Variants in DCAF8L2 observed in about 807,000 individuals in gnomAD.
DCAF8L2 encodes DDB1 and CUL4 associated factor 8 like 2.
For missense variants in DCAF8L2, 430 were observed against 490.7 expected (o/e 0.88, Z 1.17); for synonymous variants, 200 against 190.9 (o/e 1.05, Z -0.39).
In DCAF8L2 at chrX:27,730,985, A is replaced by G. The variant is rs1921160057; in HGVS notation, c.-59+14814A>G. ...CTTTGACACAAATGTTAAAATATTT[A>G]GAATCAAGTACGGTATCTTGAACTT... On this transcript the variant is annotated intron_variant, in intron 4 of 4. Transcript: ENST00000451261. Among the ~76,000 whole-genome samples, 4 of 111,435 alleles carry G rather than the reference A, an allele frequency of 3.6e-5. No homozygotes were observed. The South Asian group carries it at 1.5e-3, about 42-fold the overall frequency.
At chrX:27,677,430 T>C (rs958911341) in intron 2 of DCAF8L2, among the ~76,000 whole-genome samples, 6 of 111,946 alleles carry the variant, frequency 5.4e-5, no homozygotes, top group Non-Finnish European at 1.1e-4. Context: ...TGAGAGCCTG[T>C]GAGAGGAGTT....
At chrX:27,560,377 C>T in the DCAF8L2 span, among the ~76,000 whole-genome samples, 27 of 111,308 alleles carry the variant, frequency 2.4e-4, no homozygotes, top group Middle Eastern at 0.023. Context: ...TCTATAATTC[C>T]ACTAGAATCC....
At chrX:27,700,748 A>G (rs763638503) in intron 3 of DCAF8L2, among the ~76,000 whole-genome samples, 4 of 111,317 alleles carry the variant, frequency 3.6e-5, no homozygotes, top group East Asian at 2.8e-4. Context: ...ACATTCACTC[A>G]CTATTTTTCT....
the DCAF8L2 span, among the ~76,000 whole-genome samples, chrX:27,495,861 G>A: frequency 8.9e-6 from 1 of 111,810 alleles, no homozygotes; most frequent in Non-Finnish European, 1.9e-5. Context: ...ATTTCTTGTG[G>A]TTTTTATTAT....
At chrX:27,491,528 T>A in the DCAF8L2 span, among the ~76,000 whole-genome samples, 19 of 112,365 alleles carry the variant, frequency 1.7e-4, no homozygotes, top group Non-Finnish European at 3.4e-4. Context: ...TATCATTGGT[T>A]TTCCTTTTAA....
chrX:27,708,593 G>T (rs917535737), intron 3 of DCAF8L2, among the ~76,000 whole-genome samples: 6 of 112,008 alleles, frequency 5.4e-5, no homozygotes, highest in Non-Finnish European at 1.1e-4. Flanking sequence ...TTATATATAT[G>T]CAATCTTCTT....
the DCAF8L2 span, among the ~76,000 whole-genome samples, chrX:27,528,468 G>A: frequency 2.2e-4 from 12 of 53,898 alleles, no homozygotes; most frequent in East Asian, 7.5e-3. Flanking sequence ...GTGTGGTTAT[G>A]TGTATGTGTA....
chrX:27,745,879 T>C, intron 4 of DCAF8L2, among the ~76,000 whole-genome samples: 1 of 112,161 alleles, frequency 8.9e-6, no homozygotes, highest in Non-Finnish European at 1.9e-5. Flanking sequence ...GGGTGATATG[T>C]AAAAGACTTT....
chrX:27,632,997 C>T (rs1241510110), intron 2 of DCAF8L2: 3 of 111,841 alleles, frequency 2.7e-5, no homozygotes, highest in Non-Finnish European at 5.6e-5. Flanking sequence ...ATATTGAAAA[C>T]ATTAGCCAAT....
At chrX:27,535,655 A>T in the DCAF8L2 span, among the ~76,000 whole-genome samples, 2 of 111,788 alleles carry the variant, frequency 1.8e-5, no homozygotes, top group Non-Finnish European at 3.8e-5. Flanking sequence ...GAATAACTTC[A>T]TGGTGCCAGA....
intron 1 of DCAF8L2, among the ~76,000 whole-genome samples, chrX:27,625,999 CT>C (rs933449964): frequency 5.4e-5 from 6 of 110,440 alleles, no homozygotes; most frequent in Non-Finnish European, 1.1e-4. Flanking sequence ...GCATATACCC[CT>C]GAACCTAAAA....
chrX:27,748,056 A>T lies in DCAF8L2; in HGVS notation c.1161A>T (p.Gln387His). 2.5e-6 allele frequency: 3 copies of T among 1,212,259 alleles called. No individual in the cohort carries two copies. The change falls in exon 5 of 5, where the codon CAA becomes CAT. Residue 387 changes from glutamine to histidine, a missense_variant. Physicochemically the swap from Gln to His is conservative, Grantham distance 24 (BLOSUM62 0). Coordinates refer to ENST00000451261, the MANE Select transcript of DCAF8L2 (RefSeq NM_001353450.2). ...CCTACCAATTTGCAGTGGGTGGACA[A>T]GATCAGTTTGTAAGGATTTATGACC... ...ANTYQFAVGG[Q>H]DQFVRIYDQR...
the DCAF8L2 span, among the ~76,000 whole-genome samples, chrX:27,554,759 A>T: frequency 1.8e-5 from 2 of 111,578 alleles, no homozygotes; most frequent in Non-Finnish European, 3.8e-5. Flanking sequence ...TTACCACGAG[A>T]TTACAGCTGC....
intron 1 of DCAF8L2, among the ~76,000 whole-genome samples, chrX:27,615,544 T>TATCC (rs1482932831): frequency 9.3e-6 from 1 of 107,736 alleles, no homozygotes; most frequent in Non-Finnish European, 1.9e-5. Flanking sequence ...TCTATCTATC[T>TATCC]ATCTATCTAA....
chrX:27,541,465 G>A, the DCAF8L2 span, among the ~76,000 whole-genome samples: 1 of 107,824 alleles, frequency 9.3e-6, no homozygotes, highest in Non-Finnish European at 1.9e-5. Context: ...CACCTCCCGA[G>A]TTCAAGCCAT....
intron 3 of DCAF8L2, among the ~76,000 whole-genome samples, chrX:27,682,566 G>A (rs184651518): frequency 3.2e-4 from 35 of 110,636 alleles, no homozygotes; most frequent in African/African-American, 1.0e-3. Flanking sequence ...CCTTACATTT[G>A]TCAATAAAAT....
chrX:27,539,888 T>A, the DCAF8L2 span, among the ~76,000 whole-genome samples: 5 of 111,220 alleles, frequency 4.5e-5, no homozygotes, highest in Non-Finnish European at 9.4e-5. Flanking sequence ...GTTCCACATT[T>A]TATCATGCTG....
At chrX:27,514,699 A>AC in the DCAF8L2 span, among the ~76,000 whole-genome samples, 1 of 95,698 alleles carries the variant, frequency 1.0e-5, no homozygotes, top group Admixed American at 1.1e-4. Flanking sequence ...AAAAAAACAA[A>AC]AAAAAAAAAC....
At chrX:27,663,429 G>C (rs1160921922) in intron 2 of DCAF8L2, among the ~76,000 whole-genome samples, 1 of 111,494 alleles carries the variant, frequency 9.0e-6, no homozygotes, top group African/African-American at 3.3e-5. Flanking sequence ...TCACATTTTG[G>C]CAATTCTCAC....
Sources: gnomAD v4.1 joint callset for allele counts (sites outside exome capture counted in the v4.1 genomes callset) on GRCh38, gnomAD v4.1.1 for gene constraint, MANE v1.5 for transcripts, NCBI Gene and HGNC (gene_info 2026-07-23, HGNC 2026-07-21) for gene names.